CERCAM: variants seen among roughly 807,000 people sequenced by gnomAD.
The protein encoded by CERCAM is cerebral endothelial cell adhesion molecule, also known as inactive glycosyltransferase 25 family member 3.
A neutral mutation model predicts 66.0 loss-of-function variants in CERCAM; 59 were observed. The observed-to-expected ratio is 0.89, with a 90% confidence interval of 0.73 to 1.11. The LOEUF (loss-of-function observed/expected upper bound fraction) is 1.11. CERCAM is among the 50% of genes most tolerant of loss of function. CERCAM has a pLI of 0.00. For missense variants in CERCAM, 840 were observed against 828.3 expected (o/e 1.01, Z -0.17); for synonymous variants, 318 against 343.6 (o/e 0.93, Z 0.83).
At chr9:128,423,499 T>C (rs113430788) in intron 3 of CERCAM, among the ~76,000 whole-genome samples, 6,954 of 151,842 alleles carry the variant, frequency 0.046, 549 homozygotes, top group African/African-American at 0.16. Flanking sequence ...CGCCTGTAAT[T>C]CCAGCTGCTT....
At chr9:128,428,028 G>A (rs1168089920) in intron 5 of CERCAM, among the ~76,000 whole-genome samples, 1 of 152,184 alleles carries the variant, frequency 6.6e-6, no homozygotes, top group Non-Finnish European at 1.5e-5. Flanking sequence ...TTGATGCCCT[G>A]AGGGCAGGGA....
chr9:128,427,165 T>C (rs1833864301), intron 5 of CERCAM, among the ~76,000 whole-genome samples: 1 of 152,066 alleles, frequency 6.6e-6, no homozygotes, highest in Non-Finnish European at 1.5e-5. Flanking sequence ...TAGGCTGGAG[T>C]GCAGTGGCGC....
In CERCAM at chr9:128,428,957, C is replaced by A; in HGVS notation, c.991C>A (p.Pro331Thr). Reference protein sequence around the residue: ...EVFVISLARRPDRRERMLASL... With the variant: ...EVFVISLARRTDRRERMLASL... ...CTTTGTCATCAGCCTGGCTCGCAGGCCTGACCGTCGGGAACGCATGCTCGC... is the reference window on the plus strand; with the variant it reads ...CTTTGTCATCAGCCTGGCTCGCAGGACTGACCGTCGGGAACGCATGCTCGC... The change falls in exon 8 of 13, where the codon CCT becomes ACT. Residue 331 changes from proline to threonine, a missense_variant. Pro to Thr is a conservative substitution (Grantham distance 38). Coordinates refer to ENST00000372838, the MANE Select transcript of CERCAM (RefSeq NM_016174.5). 3 of 1,610,930 alleles carry A rather than the reference C, an allele frequency of 1.9e-6. No homozygotes were observed. The highest frequency in any genetic ancestry group is 2.5e-6 in the Non-Finnish European group (3 of 1,178,884).
chr9:128,421,890 C>T (rs748516383), intron 1 of CERCAM: 2 of 152,274 alleles, frequency 1.3e-5, no homozygotes, highest in Non-Finnish European at 2.9e-5. Context: ...GTTCCCACCC[C>T]TGTAAGACTT....
chr9:128,431,421 G>A, intron 9 of CERCAM, 118 bp downstream of exon 9: 1 of 1,354,798 alleles, frequency 7.4e-7, no homozygotes, highest in Non-Finnish European at 1.0e-6. Flanking sequence ...CTGGCCAGCA[G>A]CTTTCAATCT....
At chr9:128,423,617 C>CAAAAA (rs751848613) in intron 3 of CERCAM, among the ~76,000 whole-genome samples, 2 of 81,886 alleles carry the variant, frequency 2.4e-5, no homozygotes, top group African/African-American at 8.0e-5. Context: ...AACTCAGTCT[C>CAAAAA]AAAAAAAAAA....
At position 128,434,374 on chromosome 9, in the gene CERCAM, C is replaced by G. The variant is rs1564431793; in HGVS notation, c.1332-36C>G. The G allele has an allele frequency of 2.5e-6, 4 of 1,609,192 alleles. No individual in the cohort carries two copies. Among genetic ancestry groups the G allele is most frequent in the Non-Finnish European group, 3.4e-6 (4 of 1,176,226 alleles). Reference sequence around the variant, plus strand: ...GGGAGGGTCCCATGACACCCAGGACCTAAGTGACTCCTGGGCCCCTTGGTG... The same window carrying G: ...GGGAGGGTCCCATGACACCCAGGACGTAAGTGACTCCTGGGCCCCTTGGTG... On this transcript the variant is annotated intron_variant, in intron 10 of 12. Transcript: ENST00000372838. The surrounding 1 kb of genome is among the most constrained non-coding windows in gnomAD (Gnocchi z 4.5).
At position 128,429,052 on chromosome 9, in the gene CERCAM, G is replaced by T. The variant is rs368328854; in HGVS notation, c.1070+16G>T. On this transcript the variant is annotated intron_variant, in intron 8 of 12. Coordinates refer to ENST00000372838, the MANE Select transcript of CERCAM (RefSeq NM_016174.5). ...TGGATGGCTGGTGAGCCTGCCTGGT[G>T]GGGGGGGCCCTGTGCGCTTGGGGAA... 206 of 1,547,532 alleles carry T rather than the reference G, an allele frequency of 1.3e-4. No individual in the cohort carries two copies. The highest frequency in any genetic ancestry group is 7.2e-4 in the Middle Eastern group (4 of 5,592).
Position 128,434,030 on chromosome 9 carries a change from T to G in CERCAM, c.1204-72T>G. The G allele has an allele frequency of 4.7e-4, 742 of 1,565,500 alleles. No individual in the cohort carries two copies. The highest frequency in any genetic ancestry group is 6.0e-4 in the Non-Finnish European group (690 of 1,150,426). ...GCCAACTGAGGCCAGGCAGAGGCTG[T>G]GAGCTTCAGCGTGGAGGGAGGGGGG... On this transcript the variant is annotated intron_variant, in intron 9 of 12. Coordinates refer to ENST00000372838, the MANE Select transcript of CERCAM (RefSeq NM_016174.5). This position sits in a 1 kb window ranked among gnomAD's most constrained non-coding sequence, Gnocchi z 4.5.
In CERCAM at chr9:128,424,567, G is replaced by A. The variant is rs1833794697; in HGVS notation, c.719G>A (p.Trp240Ter). The change falls in exon 5 of 13, where the codon TGG becomes TAG. Residue 240 changes from tryptophan to a stop codon, truncating the protein, a stop_gained. Coordinates refer to ENST00000372838, the MANE Select transcript of CERCAM (RefSeq NM_016174.5). LOFTEE classifies it high-confidence loss of function. ...AFYPPHPNYTWPFDDIIVFAY... is the reference protein window; with the variant it reads ...AFYPPHPNYT ...TACCCGCCACATCCCAACTACACTT[G>A]GCCTTTCGACGACATCATCGTCTTC... 6.2e-7 allele frequency: 1 copy of A among 1,613,984 alleles called. No individual in the cohort carries two copies. The highest frequency in any genetic ancestry group is 8.5e-7 in the Non-Finnish European group (1 of 1,180,038).
Position 128,422,859 on chromosome 9 carries a change from C to T in CERCAM, c.198-9C>T, listed in dbSNP as rs774421439. On this transcript the variant is annotated splice_polypyrimidine_tract_variant and intron_variant, in intron 1 of 12. Transcript: ENST00000372838. ...GTGCCCCCTCAGCCTTTTTTCTTCC[C>T]GTCCCCAGGTGTGCCACGGACCACA... 33 of 1,612,924 alleles carry T rather than the reference C, an allele frequency of 2.0e-5. No homozygotes were observed. Among genetic ancestry groups the T allele is most frequent in the Admixed American group, 8.4e-5 (5 of 59,744 alleles).
Position 128,431,171 on chromosome 9 carries a change from G to C in CERCAM, c.1071G>C (p.Trp357Cys), listed in dbSNP as rs2131339295. The change falls in exon 9 of 13, where the codon TGG (tryptophan) becomes TGC (cysteine). Residue 357 changes from tryptophan (W) to cysteine (C), a missense_variant and splice_region_variant. Trp to Cys is a radical substitution (Grantham distance 215). Transcript: ENST00000372838. ...ACCCCGCCACACCTGTGTCCCTCAG[G>C]ATGCTCAACAGCAGTGCCATCAGGA... ...SGRVVDAVDG[W>C]MLNSSAIRNL... The C allele has an allele frequency of 6.2e-7, 1 of 1,613,654 alleles. No homozygotes were observed. Among genetic ancestry groups the C allele is most frequent in the East Asian group, 2.2e-5 (1 of 44,884 alleles).
chr9:128,425,599 C>T (rs1177482304), intron 5 of CERCAM, among the ~76,000 whole-genome samples: 1 of 151,594 alleles, frequency 6.6e-6, no homozygotes, highest in Non-Finnish European at 1.5e-5. Flanking sequence ...GCAACCTCTG[C>T]CTTCCGGGTT....
chr9:128,423,624 A>G (rs937650586), intron 3 of CERCAM, among the ~76,000 whole-genome samples: 1 of 151,920 alleles, frequency 6.6e-6, no homozygotes, highest in Admixed American at 6.6e-5. Flanking sequence ...TCTCAAAAAA[A>G]AAAAAAAAAG....
In CERCAM at chr9:128,420,980, C is replaced by A; in HGVS notation, c.103C>A (p.Leu35Ile). 1 of 1,469,734 alleles carries A rather than the reference C, an allele frequency of 6.8e-7. No individual in the cohort carries two copies. Among genetic ancestry groups the A allele is most frequent in the Non-Finnish European group, 9.0e-7 (1 of 1,112,724 alleles). 91.0% of individuals were successfully genotyped at this position (1,469,734 alleles called of 1,614,324 possible). A position where few individuals can be genotyped will look rare whatever the true frequency, so the allele number is the denominator to read the frequency against. The change falls in exon 1 of 13, where the codon CTT (leucine) becomes ATT (isoleucine). Residue 35 changes from leucine to isoleucine, a missense_variant. By Grantham distance (5) the Leu-to-Ile change is conservative. Transcript: ENST00000372838. This position sits in a 1 kb window ranked among gnomAD's most constrained non-coding sequence, Gnocchi z 5.0. The part of the protein sequence containing the change: ...VAESPLPAVV[L>I]AILARNAEHS... ...GGAGTCGCCGCTGCCCGCCGTGGTC[C>A]TTGCCATCCTGGCCCGCAATGCCGA...
chr9:128,426,298 G>T (rs904285220), intron 5 of CERCAM, among the ~76,000 whole-genome samples: 4 of 151,862 alleles, frequency 2.6e-5, no homozygotes, highest in African/African-American at 9.7e-5. Context: ...AAAAAAAACA[G>T]AGAGTAAGAA....
intron 11 of CERCAM, 67 bp from the exon 12 acceptor site, chr9:128,435,586 G>A (rs1156764087): frequency 6.6e-6 from 10 of 1,512,144 alleles, no homozygotes; most frequent in South Asian, 2.6e-5. Flanking sequence ...GCCTGGCTCC[G>A]GGCAGGCATG....
intron 12 of CERCAM, 146 bp downstream of exon 12, chr9:128,436,051 T>G: frequency 9.9e-7 from 1 of 1,014,668 alleles, no homozygotes; most frequent in South Asian, 1.7e-5. Flanking sequence ...TGTTTGTTGT[T>G]GTTGTTGTTT....
chr9:128,435,328 T>C (rs1834082447), intron 11 of CERCAM, among the ~76,000 whole-genome samples: 1 of 152,148 alleles, frequency 6.6e-6, no homozygotes, highest in Non-Finnish European at 1.5e-5. Context: ...GAGATGGGGT[T>C]TTGCCATGTT....
Sources: allele counts gnomAD v4.1 joint callset (sites outside exome capture counted in the v4.1 genomes callset), GRCh38; gene constraint gnomAD v4.1.1; non-coding constraint Gnocchi (gnomAD v3.1); transcripts MANE v1.5; gene names NCBI Gene and HGNC (gene_info 2026-07-23, HGNC 2026-07-21).